The following COG5 variants were observed in gnomAD, a reference collection of about 807,000 sequenced individuals.
COG5 encodes conserved oligomeric Golgi complex subunit 5.
A neutral mutation model predicts 110.4 loss-of-function variants in COG5; 86 were observed. That is an observed-to-expected ratio of 0.78 (90% confidence interval 0.65 to 0.93). COG5 has a LOEUF of 0.93. Among genes scored for constraint, COG5 ranks in the 40% least tolerant of loss-of-function variants. The probability of loss-of-function intolerance (pLI) is 0.00; values close to 1 mark genes in which losing one functional copy is unlikely to be tolerated. For missense variants in COG5, 1,077 were observed against 987.0 expected, an observed-to-expected ratio of 1.09 and a Z score of -1.22; for synonymous variants, 360 against 334.6, an observed-to-expected ratio of 1.08 and a Z score of -0.83.
chr7:107,495,159 A>C (rs539402619), intron 6 of COG5, among the ~76,000 whole-genome samples: 77 of 152,278 alleles, frequency 5.1e-4, no homozygotes, highest in African/African-American at 1.8e-3. Context: ...GGGCCTTACT[A>C]ACTTGCGGTG....
intron 6 of COG5, among the ~76,000 whole-genome samples, chr7:107,522,987 C>G (rs911959594): frequency 2.0e-5 from 3 of 152,124 alleles, no homozygotes; most frequent in Non-Finnish European, 4.4e-5. Context: ...GTTATTCTAG[C>G]TATTCGAGAT....
chr7:107,260,453 T>C (rs968420937), intron 14 of COG5, among the ~76,000 whole-genome samples: 1 of 152,092 alleles, frequency 6.6e-6, no homozygotes. Context: ...TGGTATGAAG[T>C]TGCTTATTAG....
chr7:107,487,352 T>C (rs1797711801), intron 6 of COG5, among the ~76,000 whole-genome samples: 1 of 152,120 alleles, frequency 6.6e-6, no homozygotes, highest in African/African-American at 2.4e-5. Context: ...AATGTTCATA[T>C]GTGCTTGGCA....
intron 7 of COG5, among the ~76,000 whole-genome samples, chr7:107,393,530 T>C (rs1584767032): frequency 1.3e-5 from 2 of 152,206 alleles, no homozygotes; most frequent in African/African-American, 4.8e-5. Context: ...GCTAACTTTA[T>C]AGTTAAGGAA....
chr7:107,372,120 A>G (rs1814228637), intron 8 of COG5, among the ~76,000 whole-genome samples: 3 of 152,132 alleles, frequency 2.0e-5, no homozygotes, highest in African/African-American at 7.2e-5. Flanking sequence ...AGACTTTACT[A>G]CAGTTGTAAT....
chr7:107,519,676 C>T (rs1800187150), intron 6 of COG5, among the ~76,000 whole-genome samples: 1 of 152,146 alleles, frequency 6.6e-6, no homozygotes, highest in South Asian at 2.1e-4. Flanking sequence ...CAAAAAAGCC[C>T]AGGACCAGAC....
chr7:107,262,061 T>G (rs1803402895), intron 14 of COG5, among the ~76,000 whole-genome samples: 1 of 152,028 alleles, frequency 6.6e-6, no homozygotes, highest in African/African-American at 2.4e-5. Context: ...TGGCTAATTT[T>G]TGTATTTTTA....
intron 7 of COG5, among the ~76,000 whole-genome samples, chr7:107,404,972 T>C (rs1371913525): frequency 6.7e-6 from 1 of 148,956 alleles, no homozygotes; most frequent in African/African-American, 2.5e-5. Context: ...AATCATCAAA[T>C]GGAGACTTCC....
chr7:107,415,213 A>C (rs978192043), intron 6 of COG5, among the ~76,000 whole-genome samples: 15 of 152,226 alleles, frequency 9.9e-5, no homozygotes, highest in African/African-American at 3.6e-4. Flanking sequence ...TTGGTGCTGG[A>C]AGTTGAAAGG....
intron 6 of COG5, chr7:107,450,167 ACT>A (rs1795248787): frequency 6.5e-6 from 1 of 154,026 alleles, no homozygotes; most frequent in Non-Finnish European, 1.5e-5. Flanking sequence ...ACTGAAGAAA[ACT>A]GAAATCAGCC....
chr7:107,390,671 T>C lies in COG5; in HGVS notation c.670-17911A>G, dbSNP rs187761688. On this transcript the variant is annotated intron_variant, in intron 7 of 21. Coordinates refer to ENST00000297135, the MANE Select transcript of COG5 (RefSeq NM_006348.5). ...TGGAAGGGTATGCAAGATCATCTCC[T>C]GGTTAGACCCCCGCTCCTGGGGGTC... 2.1e-3 allele frequency among the ~76,000 whole-genome samples: 315 copies of C among 150,972 alleles called. 1 individual carries two copies. Among genetic ancestry groups the C allele is most frequent in the Non-Finnish European group, 3.1e-3 (209 of 67,824 alleles).
chr7:107,463,582 T>C (rs193295965), intron 6 of COG5, among the ~76,000 whole-genome samples: 202 of 152,310 alleles, frequency 1.3e-3, no homozygotes, highest in Non-Finnish European at 2.2e-3. Flanking sequence ...CCCAAAACAA[T>C]AGTACACTGA....
At chr7:107,444,868 A>G (rs961204012) in intron 6 of COG5, among the ~76,000 whole-genome samples, 1 of 152,184 alleles carries the variant, frequency 6.6e-6, no homozygotes, top group African/African-American at 2.4e-5. Context: ...ACATACCCTC[A>G]TAATTTCTTA....
In COG5 at chr7:107,474,309, T is replaced by C; in HGVS notation, c.538+52928A>G. 6.2e-7 allele frequency: 1 copy of C among 1,609,320 alleles called. No individual in the cohort carries two copies. The highest frequency in any genetic ancestry group is 8.5e-7 in the Non-Finnish European group (1 of 1,175,820). On this transcript the variant is annotated intron_variant, in intron 6 of 21. Coordinates refer to ENST00000297135, the MANE Select transcript of COG5 (RefSeq NM_006348.5). This position sits in a 1 kb window ranked among gnomAD's most constrained non-coding sequence, Gnocchi z 5.7. ...CTGTCAGTAACATTATTACAATGAATCTTCATGTACTTGATGTAATAATTT... is the reference window on the plus strand; with the variant it reads ...CTGTCAGTAACATTATTACAATGAACCTTCATGTACTTGATGTAATAATTT...
At chr7:107,462,432 G>C (rs1279400039) in intron 6 of COG5, among the ~76,000 whole-genome samples, 1 of 152,114 alleles carries the variant, frequency 6.6e-6, no homozygotes, top group Non-Finnish European at 1.5e-5. Context: ...GTGCAGGCTT[G>C]AGGGAAGCAT....
Position 107,432,305 on chromosome 7 carries a change from A to G in COG5, c.539-19673T>C, listed in dbSNP as rs947578569. ...TGCTCTGTAGTAAACTAAAGTTGAA[A>G]AAGTAAACACAGAGAGGTCAGACAA... On this transcript the variant is annotated intron_variant, in intron 6 of 21. Transcript: ENST00000297135. Among the ~76,000 whole-genome samples the G allele has an allele frequency of 3.9e-5, 6 of 152,238 alleles. No individual in the cohort carries two copies. In the East Asian group the frequency reaches 9.6e-4, roughly 24 times the overall value.
At chr7:107,496,611 G>T (rs1003762249) in intron 6 of COG5, among the ~76,000 whole-genome samples, 8 of 147,136 alleles carry the variant, frequency 5.4e-5, no homozygotes, top group Admixed American at 1.4e-4. Context: ...AGTGAACCAA[G>T]ATCGTGTAAC....
At chr7:107,299,506 C>A (rs895373957) in intron 11 of COG5, among the ~76,000 whole-genome samples, 1 of 151,932 alleles carries the variant, frequency 6.6e-6, no homozygotes, top group Non-Finnish European at 1.5e-5. Context: ...CTGAATAGCA[C>A]TATACTTGTT....
chr7:107,429,062 C>T (rs528502019), intron 6 of COG5, among the ~76,000 whole-genome samples: 1 of 152,046 alleles, frequency 6.6e-6, no homozygotes, highest in African/African-American at 2.4e-5. Flanking sequence ...TAAAAAAAGC[C>T]AAGAATGAGT....
Sources: allele counts gnomAD v4.1 joint callset (sites outside exome capture counted in the v4.1 genomes callset), GRCh38; gene constraint gnomAD v4.1.1; non-coding constraint Gnocchi (gnomAD v3.1); transcripts MANE v1.5; gene names NCBI Gene and HGNC (gene_info 2026-07-23, HGNC 2026-07-21).